TRPC6: variants seen among roughly 807,000 people sequenced by gnomAD.
The protein encoded by TRPC6 is short transient receptor potential channel 6.
A neutral mutation model predicts 90.7 loss-of-function variants in TRPC6; 55 were observed. The observed-to-expected ratio is 0.61, with a 90% CI of 0.49 to 0.76. The LOEUF is 0.76. Among genes scored for constraint, TRPC6 ranks in the 30% least tolerant of loss-of-function variants. The pLI, the probability that TRPC6 is intolerant of heterozygous loss-of-function variation, is 0.00. For synonymous variants in TRPC6, 393 were observed against 393.0 expected (o/e 1.00, Z 0.00); for missense variants, 989 against 1,122.7 (o/e 0.88, Z 1.70).
chr11:101,495,022 CTA>C (rs1357093973), intron 2 of TRPC6, among the ~76,000 whole-genome samples: 9 of 152,184 alleles, frequency 5.9e-5, no homozygotes, highest in Admixed American at 1.3e-4. Flanking sequence ...GAATGCAGCT[CTA>C]TGATTTTGGT....
At chr11:101,558,003 T>C (rs1861596932) in intron 1 of TRPC6, among the ~76,000 whole-genome samples, 1 of 151,998 alleles carries the variant, frequency 6.6e-6, no homozygotes, top group Non-Finnish European at 1.5e-5. Flanking sequence ...AATTCCAATG[T>C]CATTTTTCAT....
intron 8 of TRPC6, among the ~76,000 whole-genome samples, chr11:101,471,772 A>G (rs758506516): frequency 6.6e-6 from 1 of 152,224 alleles, no homozygotes; most frequent in Non-Finnish European, 1.5e-5. Flanking sequence ...TCTCAACTTG[A>G]GAAAAGGTCA....
chr11:101,551,816 C>T (rs1861456761), intron 1 of TRPC6, among the ~76,000 whole-genome samples: 1 of 152,064 alleles, frequency 6.6e-6, no homozygotes, highest in Non-Finnish European at 1.5e-5. Context: ...GAATGTCTCC[C>T]ACCAGAGCCT....
intron 10 of TRPC6, among the ~76,000 whole-genome samples, chr11:101,460,909 C>T (rs1458934127): frequency 6.6e-6 from 1 of 152,090 alleles, no homozygotes; most frequent in East Asian, 1.9e-4. Context: ...AATTCATAAC[C>T]TCTTATCCGT....
Position 101,453,679 on chromosome 11 carries a change from A to G in TRPC6, c.2615T>C (p.Ile872Thr), listed in dbSNP as rs767968818. ...LIKRYVLQAQ[I>T]DKESDEVNEG... is the part of the protein sequence containing the mutation. ...GTTCACTTCATCACTCTCCTTATCT[A>G]TCTGGGCCTGCAGTACATATCTTTT... The change falls in exon 12 of 13, where the codon ATA becomes ACA. Residue 872 changes from isoleucine to threonine, a missense_variant. Coordinates refer to ENST00000344327, the MANE Select transcript of TRPC6 (RefSeq NM_004621.6). 4.5e-5 allele frequency: 72 copies of G among 1,613,774 alleles called. No homozygotes were observed. Among genetic ancestry groups the G allele is most frequent in the Non-Finnish European group, 5.8e-5 (68 of 1,179,878 alleles).
Position 101,500,773 on chromosome 11 carries a change from T to C in TRPC6, c.945+3251A>G, listed in dbSNP as rs972344927. Among the ~76,000 whole-genome samples the C allele has an allele frequency of 5.3e-5, 8 of 152,126 alleles. No homozygotes were observed. The East Asian group carries it at 7.7e-4, about 15-fold the overall frequency. Reference sequence around the variant, plus strand: ...GCTATAATATGAGGAATCACATTTATGAAGGAAATTGGACTGAAAATATAA... The same window carrying C: ...GCTATAATATGAGGAATCACATTTACGAAGGAAATTGGACTGAAAATATAA... On this transcript the variant is annotated intron_variant, in intron 2 of 12. Coordinates refer to ENST00000344327, the MANE Select transcript of TRPC6 (RefSeq NM_004621.6).
intron 1 of TRPC6, among the ~76,000 whole-genome samples, chr11:101,570,767 A>G (rs1430864525): frequency 6.6e-6 from 1 of 152,242 alleles, no homozygotes; most frequent in Non-Finnish European, 1.5e-5. Context: ...ACCAATGACA[A>G]AAACCATGTG....
intron 1 of TRPC6, among the ~76,000 whole-genome samples, chr11:101,518,701 AGAAAG>A (rs889065307): frequency 2.0e-5 from 3 of 152,212 alleles, no homozygotes; most frequent in Non-Finnish European, 4.4e-5. Flanking sequence ...TATACACAAA[AGAAAG>A]GAAATCAGTA....
At chr11:101,496,460 G>A (rs1859952199) in intron 2 of TRPC6, among the ~76,000 whole-genome samples, 1 of 151,994 alleles carries the variant, frequency 6.6e-6, no homozygotes, top group South Asian at 2.1e-4. Flanking sequence ...GGGGTTGTGA[G>A]GATATAAAAG....
At chr11:101,466,478 T>C (rs1440599128) in intron 10 of TRPC6, among the ~76,000 whole-genome samples, 1 of 152,244 alleles carries the variant, frequency 6.6e-6, no homozygotes, top group Non-Finnish European at 1.5e-5. Context: ...CAGTTTGAAC[T>C]TCCTGGCCGT....
chr11:101,579,664 C>CA (rs1862149327), intron 1 of TRPC6, among the ~76,000 whole-genome samples: 1 of 152,216 alleles, frequency 6.6e-6, no homozygotes, highest in East Asian at 1.9e-4. Flanking sequence ...GGTATAAAAA[C>CA]AAAAACCCCA....
At chr11:101,552,987 G>A (rs143082305) in intron 1 of TRPC6, among the ~76,000 whole-genome samples, 1 of 152,224 alleles carries the variant, frequency 6.6e-6, no homozygotes, top group African/African-American at 2.4e-5. Context: ...TGAGAAATAT[G>A]TGGTATTTGG....
At chr11:101,467,884 A>G (rs1306351494) in intron 10 of TRPC6, among the ~76,000 whole-genome samples, 2 of 152,166 alleles carry the variant, frequency 1.3e-5, no homozygotes, top group South Asian at 2.1e-4. Context: ...CCACTGAACT[A>G]TCCTTTCTAG....
At chr11:101,576,428 T>C (rs1862071520) in intron 1 of TRPC6, among the ~76,000 whole-genome samples, 1 of 152,240 alleles carries the variant, frequency 6.6e-6, no homozygotes. Flanking sequence ...TGTTTGAGTA[T>C]GTGTAACACT....
chr11:101,493,203 T>C (rs912720070), intron 2 of TRPC6, among the ~76,000 whole-genome samples: 1 of 152,224 alleles, frequency 6.6e-6, no homozygotes, highest in Admixed American at 6.5e-5. Context: ...GGAAGAAGAA[T>C]TGTCTTGGGC....
At chr11:101,481,061 C>T (rs1859539253) in intron 5 of TRPC6, among the ~76,000 whole-genome samples, 1 of 152,156 alleles carries the variant, frequency 6.6e-6, no homozygotes, top group Admixed American at 6.5e-5. Flanking sequence ...TTTTGAATAA[C>T]TCAAATGCTA....
chr11:101,491,661 T>C lies in TRPC6; in HGVS notation c.1023A>G (p.Glu341=), dbSNP rs759017248. The C allele has an allele frequency of 3.1e-6, 5 of 1,613,982 alleles. No individual in the cohort carries two copies. Among genetic ancestry groups the C allele is most frequent in the South Asian group, 2.2e-5 (2 of 91,074 alleles). ...GLLDLCRNTE[E]VEAILNGDVE... ...CATCCCCATTCAGAATGGCCTCGACTTCTTCAGTGTTTCTGCACAGATCAA... is the reference window on the plus strand; with the variant it reads ...CATCCCCATTCAGAATGGCCTCGACCTCTTCAGTGTTTCTGCACAGATCAA... The change falls in exon 3 of 13, where the codon GAA becomes GAG. Residue 341 remains glutamate, a synonymous_variant. Coordinates refer to ENST00000344327, the MANE Select transcript of TRPC6 (RefSeq NM_004621.6).
At chr11:101,466,448 G>A (rs1436180100) in intron 10 of TRPC6, among the ~76,000 whole-genome samples, 3 of 152,242 alleles carry the variant, frequency 2.0e-5, no homozygotes, top group Non-Finnish European at 2.9e-5. Context: ...TGGCCTTGCT[G>A]AGCTGCAGTG....
intron 10 of TRPC6, among the ~76,000 whole-genome samples, chr11:101,463,013 C>T (rs1859042930): frequency 6.6e-6 from 1 of 152,150 alleles, no homozygotes; most frequent in South Asian, 2.1e-4. Context: ...GAGTTTTTAG[C>T]ATGAAGCACT....
Sources: allele counts gnomAD v4.1 joint callset (sites outside exome capture counted in the v4.1 genomes callset), GRCh38; gene constraint gnomAD v4.1.1; transcripts MANE v1.5; gene names NCBI Gene and HGNC (gene_info 2026-07-23, HGNC 2026-07-21).